NECAB2: variants seen among roughly 807,000 people sequenced by gnomAD.
NECAB2 encodes N-terminal EF-hand calcium-binding protein 2.
A neutral mutation model predicts 51.9 loss-of-function variants in NECAB2; 68 were observed. That is an observed-to-expected ratio of 1.31 (90% CI 1.08 to 1.60). The LOEUF is 1.60. NECAB2 is among the 40% of genes most tolerant of loss of function. The pLI, the probability that NECAB2 is intolerant of heterozygous loss-of-function variation, is 0.00. For missense variants in NECAB2, 854 were observed against 490.3 expected, an observed-to-expected ratio of 1.74 and a Z score of -7.00; for synonymous variants, 329 against 203.5, an observed-to-expected ratio of 1.62 and a Z score of -5.25.
In NECAB2 at chr16:84,002,674, G is replaced by T. The variant is rs770065725; in HGVS notation, c.*328G>T. ...ACACTGACCACACCCTGCCCTCTTC[G>T]GTGACATTCTTCTACCTAGTAGGAG... On this transcript the variant is annotated 3_prime_UTR_variant, in exon 13 of 13. Transcript: ENST00000305202. 1.5e-5 allele frequency: 6 copies of T among 412,800 alleles called. No homozygotes were observed. The highest frequency in any genetic ancestry group is 1.0e-4 in the African/African-American group (5 of 49,378). The allele number at this position is 412,800 out of a possible 1,614,324, so 25.6% of individuals were successfully genotyped here. A position where few individuals can be genotyped will look rare whatever the true frequency, so the allele number is the denominator to read the frequency against.
intron 5 of NECAB2, among the ~76,000 whole-genome samples, chr16:83,985,893 G>C (rs2084546675): frequency 6.6e-6 from 1 of 152,128 alleles, no homozygotes; most frequent in South Asian, 2.1e-4. Flanking sequence ...TGCAGAATTA[G>C]CAGATCTGAA....
At chr16:83,974,666 TTCACATGG>T (rs1467199322) in intron 2 of NECAB2, among the ~76,000 whole-genome samples, 1 of 152,194 alleles carries the variant, frequency 6.6e-6, no homozygotes, top group Non-Finnish European at 1.5e-5. Context: ...CGTGATATTC[TTCACATGG>T]TCGGGGGGCA....
chr16:83,995,807 A>G (rs1343210454), intron 8 of NECAB2, among the ~76,000 whole-genome samples: 1 of 152,222 alleles, frequency 6.6e-6, no homozygotes, highest in Non-Finnish European at 1.5e-5. Flanking sequence ...CCCCTCCTGC[A>G]GGGATGAGGC....
chr16:83,984,826 T>C (rs2084532364), intron 5 of NECAB2, among the ~76,000 whole-genome samples: 1 of 152,230 alleles, frequency 6.6e-6, no homozygotes, highest in Non-Finnish European at 1.5e-5. Context: ...GTTTTGCCTG[T>C]TTTAATTAGC....
At chr16:83,981,912 C>G (rs1391860761) in intron 5 of NECAB2, among the ~76,000 whole-genome samples, 1 of 152,182 alleles carries the variant, frequency 6.6e-6, no homozygotes, top group African/African-American at 2.4e-5. Context: ...AAAAGCCCAG[C>G]CTTGTCTGCC....
intron 9 of NECAB2, among the ~76,000 whole-genome samples, chr16:83,997,494 T>C (rs2084728128): frequency 7.1e-6 from 1 of 140,792 alleles, no homozygotes. Flanking sequence ...TTTTTTTTTT[T>C]TTTTTTTTTT....
intron 5 of NECAB2, among the ~76,000 whole-genome samples, chr16:83,982,151 T>A (rs2084496776): frequency 1.3e-5 from 2 of 152,202 alleles, no homozygotes; most frequent in South Asian, 4.1e-4. Flanking sequence ...AATACGCTCC[T>A]ACTGTACGCT....
chr16:84,001,172 G>C (rs187051735), intron 11 of NECAB2, among the ~76,000 whole-genome samples: 1 of 152,110 alleles, frequency 6.6e-6, no homozygotes, highest in Non-Finnish European at 1.5e-5. Context: ...TTGTTCCAGC[G>C]ACTAACCTCC....
intron 3 of NECAB2, among the ~76,000 whole-genome samples, chr16:83,979,303 CT>C (rs920370366): frequency 1.2e-4 from 19 of 152,170 alleles, no homozygotes; most frequent in African/African-American, 4.3e-4. Flanking sequence ...TTCTGGAGGG[CT>C]GCTTAGGGCA....
chr16:83,965,495 A>T, upstream of NECAB2: 1 of 1,611,398 alleles, frequency 6.2e-7, no homozygotes, highest in Non-Finnish European at 8.5e-7. Context: ...CCGCCACTAC[A>T]ACATCCCGGT....
chr16:83,997,388 G>T, intron 9 of NECAB2, 119 bp downstream of exon 9: 1 of 1,319,472 alleles, frequency 7.6e-7, no homozygotes, highest in Admixed American at 1.9e-5. Flanking sequence ...ACCAGGAGGG[G>T]AGATGTCGCC....
At chr16:83,996,945 C>T (rs1175514751) in intron 8 of NECAB2, among the ~76,000 whole-genome samples, 3 of 152,084 alleles carry the variant, frequency 2.0e-5, no homozygotes, top group African/African-American at 4.8e-5. Flanking sequence ...GGCTGTTGCT[C>T]ATCATAGTGG....
chr16:83,970,011 T>C (rs940435581), intron 1 of NECAB2, among the ~76,000 whole-genome samples: 2 of 152,124 alleles, frequency 1.3e-5, no homozygotes, highest in Non-Finnish European at 2.9e-5. Context: ...ACGCACTCGC[T>C]TACGCACGCA....
intron 6 of NECAB2, among the ~76,000 whole-genome samples, chr16:83,992,114 A>G (rs1241494830): frequency 6.9e-6 from 1 of 144,776 alleles, no homozygotes; most frequent in African/African-American, 2.8e-5. Flanking sequence ...TGTTAAAAAG[A>G]GAGACTGGGG....
chr16:83,998,644 G>A lies in NECAB2; in HGVS notation c.962+327G>A, dbSNP rs118072122. On this transcript the variant is annotated intron_variant, in intron 10 of 12. Transcript: ENST00000305202. The stretch of plus-strand genomic sequence containing the variant: ...GTGAAGGGCTCCAGCTGGGCCTGGT[G>A]TGCCCCGTGCGCTCAGTCAGCCTCA... 5.9e-4 allele frequency among the ~76,000 whole-genome samples: 90 copies of A among 152,350 alleles called. 2 individuals are homozygous for A. The East Asian group carries it at 0.016, about 28-fold the overall frequency.
intron 12 of NECAB2, among the ~76,000 whole-genome samples, 153 bp from the exon 13 acceptor site, chr16:84,002,165 G>T (rs574001040): frequency 6.6e-6 from 1 of 152,138 alleles, no homozygotes; most frequent in South Asian, 2.1e-4. Flanking sequence ...CCCTTCCCAG[G>T]TGTGTGGTTT....
intron 8 of NECAB2, 117 bp from the exon 9 acceptor site, chr16:83,997,099 T>C (rs2084714026): frequency 8.3e-7 from 1 of 1,203,424 alleles, no homozygotes. Context: ...CCCAGCCCTG[T>C]GCAACAGGGC....
intron 6 of NECAB2, chr16:83,993,666 G>C (rs1317221791): frequency 1.3e-5 from 2 of 156,546 alleles, no homozygotes; most frequent in East Asian, 1.9e-4. Flanking sequence ...GTGTGTGTGT[G>C]TGTCTGCCTC....
intron 10 of NECAB2, among the ~76,000 whole-genome samples, chr16:83,998,820 G>A (rs1319356987): frequency 7.0e-6 from 1 of 142,398 alleles, no homozygotes; most frequent in African/African-American, 2.8e-5. Context: ...GATGTGCTGA[G>A]ATGTCCAGGG....
Sources: gnomAD v4.1 joint callset for allele counts (sites outside exome capture counted in the v4.1 genomes callset) on GRCh38, gnomAD v4.1.1 for gene constraint, MANE v1.5 for transcripts, NCBI Gene and HGNC (gene_info 2026-07-23, HGNC 2026-07-21) for gene names.